DNAI4: variants seen among roughly 807,000 people sequenced by gnomAD.
DNAI4 encodes the protein dynein axonemal intermediate chain 4, also known as WD repeat domain 78.
In DNAI4, 85 loss-of-function variants were observed where a neutral mutation model predicts 105.8. The ratio of observed to expected loss-of-function variants is 0.80; its 90% CI spans 0.67 to 0.96. DNAI4 has a LOEUF of 0.96. Among genes scored for constraint, DNAI4 ranks in the 40% least tolerant of loss-of-function variants. DNAI4 has a pLI of 0.00. For missense variants in DNAI4, 1,014 were observed against 1,005.6 expected (o/e 1.01, Z -0.11); for synonymous variants, 352 against 331.5 (o/e 1.06, Z -0.67).
intron 6 of DNAI4, among the ~76,000 whole-genome samples, chr1:66,867,056 C>T (rs563620903): frequency 5.1e-4 from 77 of 152,214 alleles, no homozygotes; most frequent in African/African-American, 1.8e-3. Flanking sequence ...AAGGTAACCA[C>T]CCCCGTGATT....
chr1:66,854,354 G>A (rs535482033), intron 7 of DNAI4, among the ~76,000 whole-genome samples: 1 of 152,194 alleles, frequency 6.6e-6, no homozygotes, highest in African/African-American at 2.4e-5. Context: ...TTGTGCTGCT[G>A]CATTCCAGCC....
At chr1:66,856,314 A>G (rs1445561386) in intron 7 of DNAI4, among the ~76,000 whole-genome samples, 1 of 114,092 alleles carries the variant, frequency 8.8e-6, no homozygotes, top group Non-Finnish European at 1.9e-5. Context: ...CTAAAAATAC[A>G]AAAAAAAAAA....
intron 16 of DNAI4, among the ~76,000 whole-genome samples, chr1:66,817,668 T>C (rs1645546444): frequency 6.6e-6 from 1 of 151,988 alleles, no homozygotes; most frequent in South Asian, 2.1e-4. Context: ...ATAGGAAAAC[T>C]GTAATAATTT....
Position 66,860,431 on chromosome 1 carries a change from T to C in DNAI4, c.1096+1716A>G, listed in dbSNP as rs556534693. ...TCAAAAGGACCTTAGAGGTAACTAG[T>C]CCTAGTTTTGATCTGAATTTCCTTT... On this transcript the variant is annotated intron_variant, in intron 7 of 16. Transcript: ENST00000371026. 1.0e-3 allele frequency among the ~76,000 whole-genome samples: 154 copies of C among 152,206 alleles called. 1 individual carries two copies. Among genetic ancestry groups the C allele is most frequent in the Non-Finnish European group, 1.9e-3 (130 of 67,940 alleles).
In DNAI4 at chr1:66,844,262, A is replaced by T. The variant is rs1476871190; in HGVS notation, c.1291+3222T>A. ...TACCTTAAATATACACAATAAATAT[A>T]TTAAAAATAAAAATAGGCCTGGGCG... On this transcript the variant is annotated intron_variant, in intron 8 of 16. Transcript: ENST00000371026. 3.9e-5 allele frequency among the ~76,000 whole-genome samples: 6 copies of T among 152,166 alleles called. No homozygotes were observed. The East Asian group carries it at 1.2e-3, about 29-fold the overall frequency.
Position 66,834,103 on chromosome 1 carries a change from C to T in DNAI4, c.1779G>A (p.Trp593Ter), listed in dbSNP as rs754197849. The change falls in exon 12 of 17, where the codon TGG becomes TGA. Residue 593 changes from tryptophan to a stop codon, truncating the protein, a stop_gained. Coordinates refer to ENST00000371026, the MANE Select transcript of DNAI4 (RefSeq NM_024763.5). LOFTEE classifies it high-confidence loss of function. ...CTGTTGTTCCTCGATCTTGTTCTAT[C>T]CACTGTAGTTGCCATACAGGTCCCA... ...KHLGPVWQLQ[W>*]IEQDRGTTGD... The T allele has an allele frequency of 6.2e-7, 1 of 1,610,998 alleles. No individual in the cohort carries two copies. The highest frequency in any genetic ancestry group is 1.7e-5 in the Admixed American group (1 of 59,434).
chr1:66,890,903 A>G lies in DNAI4; in HGVS notation c.643+251T>C, dbSNP rs373748409. The G allele has an allele frequency of 8.0e-6, 4 of 501,168 alleles. No individual in the cohort carries two copies. The highest frequency in any genetic ancestry group is 1.4e-5 in the Non-Finnish European group (4 of 282,270). The allele number at this position is 501,168 out of a possible 1,614,324, so 31.0% of individuals were successfully genotyped here. The stretch of plus-strand genomic sequence containing the variant: ...AGAAGAAGCAGAAGCAGCAGCAGCA[A>G]CAGCAGCAGCAGAAGCAGCAGCTGA... On this transcript the variant is annotated intron_variant, in intron 4 of 16. Coordinates refer to ENST00000371026, the MANE Select transcript of DNAI4 (RefSeq NM_024763.5). This position sits in a 1 kb window ranked among gnomAD's most constrained non-coding sequence, Gnocchi z 4.1.
intron 2 of DNAI4, among the ~76,000 whole-genome samples, chr1:66,899,524 TG>T (rs1450250432): frequency 6.6e-6 from 1 of 152,200 alleles, no homozygotes; most frequent in Non-Finnish European, 1.5e-5. Context: ...TCTATTTCTG[TG>T]GGTTATCTTT....
intron 16 of DNAI4, among the ~76,000 whole-genome samples, chr1:66,819,811 C>T (rs1645589288): frequency 6.6e-6 from 1 of 152,140 alleles, no homozygotes; most frequent in Non-Finnish European, 1.5e-5. Flanking sequence ...ACTCAAACCA[C>T]TCAATTCCCA....
At chr1:66,904,987 A>G in intron 2 of DNAI4, 1 of 415,276 alleles carries the variant, frequency 2.4e-6, no homozygotes, top group Non-Finnish European at 4.2e-6. Flanking sequence ...GACTTTTCTC[A>G]TTCCACTCTA....
At chr1:66,901,157 T>C (rs190125747) in intron 2 of DNAI4, among the ~76,000 whole-genome samples, 20 of 152,346 alleles carry the variant, frequency 1.3e-4, no homozygotes, top group African/African-American at 3.6e-4. Context: ...TTTGTTTTCA[T>C]TGATTTTCTC....
intron 7 of DNAI4, among the ~76,000 whole-genome samples, chr1:66,854,243 T>C (rs1236494320): frequency 1.3e-5 from 2 of 152,092 alleles, no homozygotes; most frequent in East Asian, 3.9e-4. Context: ...ATTTTTAAAT[T>C]AGCTGAGTCT....
intron 14 of DNAI4, among the ~76,000 whole-genome samples, chr1:66,827,434 T>A (rs1172808992): frequency 6.6e-6 from 1 of 151,858 alleles, no homozygotes; most frequent in Admixed American, 6.6e-5. Flanking sequence ...GAAGATCAAG[T>A]GGAAGATAAA....
In DNAI4 at chr1:66,919,297, C is replaced by T. The variant is rs558509581; in HGVS notation, c.170+5365G>A. On this transcript the variant is annotated intron_variant, in intron 1 of 16. Transcript: ENST00000371026. ...ATGTGAATAATTGACTACTAGATAG[C>T]TCTAGTCTAACAGCCATCTCAAAGT... 5.3e-5 allele frequency among the ~76,000 whole-genome samples: 8 copies of T among 152,296 alleles called. No homozygotes were observed. In the South Asian group the frequency reaches 1.5e-3, roughly 28 times the overall value.
intron 7 of DNAI4, among the ~76,000 whole-genome samples, chr1:66,852,989 C>T (rs572796940): frequency 1.3e-5 from 2 of 152,194 alleles, no homozygotes; most frequent in Non-Finnish European, 2.9e-5. Flanking sequence ...TGAGCTCTCT[C>T]AGTCAAGTAG....
chr1:66,887,177 T>A (rs182713387), intron 4 of DNAI4, among the ~76,000 whole-genome samples: 1 of 152,308 alleles, frequency 6.6e-6, no homozygotes, highest in African/African-American at 2.4e-5. Context: ...TTTACTCTTA[T>A]ACTAGTAAAA....
At chr1:66,858,192 A>C (rs1646542939) in intron 7 of DNAI4, among the ~76,000 whole-genome samples, 1 of 152,054 alleles carries the variant, frequency 6.6e-6, no homozygotes, top group Non-Finnish European at 1.5e-5. Context: ...AGATGAAGAC[A>C]TTATAAGAAA....
At chr1:66,916,203 A>C (rs72671694) in intron 1 of DNAI4, among the ~76,000 whole-genome samples, 10,368 of 152,222 alleles carry the variant, frequency 0.068, 471 homozygotes, top group East Asian at 0.24. Context: ...ATCATGAATA[A>C]TCAGTGTAAA....
chr1:66,820,208 G>T (rs1008197822), intron 16 of DNAI4, among the ~76,000 whole-genome samples: 1 of 151,662 alleles, frequency 6.6e-6, no homozygotes, highest in Non-Finnish European at 1.5e-5. Context: ...ATTCCTCAGA[G>T]TAGACTAAAA....
Sources: gnomAD v4.1 joint callset for allele counts (sites outside exome capture counted in the v4.1 genomes callset) on GRCh38, gnomAD v4.1.1 for gene constraint, Gnocchi (gnomAD v3.1) non-coding constraint, MANE v1.5 for transcripts, NCBI Gene and HGNC (gene_info 2026-07-23, HGNC 2026-07-21) for gene names.